The following GRM8 variants were observed in gnomAD, a reference collection of about 807,000 sequenced individuals.
GRM8 encodes the protein metabotropic glutamate receptor 8.
GRM8 carries 47 observed loss-of-function variants against 87.2 expected under a neutral mutation model. The observed-to-expected ratio is 0.54, with a 90% CI of 0.43 to 0.69. The LOEUF is 0.69. GRM8 is among the 30% of genes least tolerant of loss of function. The pLI is 0.00. For missense variants in GRM8, 1,019 were observed against 1,139.2 expected (o/e 0.89, Z 1.52); for synonymous variants, 396 against 404.5 (o/e 0.98, Z 0.25).
intron 7 of GRM8, among the ~76,000 whole-genome samples, chr7:126,683,498 A>G (rs1274551839): frequency 6.6e-6 from 1 of 152,144 alleles, no homozygotes; most frequent in Non-Finnish European, 1.5e-5. Flanking sequence ...GTGCAAAAGT[A>G]TTTCAGACCT....
chr7:127,211,581 C>T (rs768720831), intron 2 of GRM8, among the ~76,000 whole-genome samples: 6 of 152,208 alleles, frequency 3.9e-5, no homozygotes, highest in Non-Finnish European at 5.9e-5. Context: ...TCAGTATTAA[C>T]CATCACAGAA....
chr7:126,451,731 A>G (rs1466305577), intron 9 of GRM8, among the ~76,000 whole-genome samples: 1 of 151,632 alleles, frequency 6.6e-6, no homozygotes, highest in Admixed American at 6.6e-5. Context: ...CTGATCTTGG[A>G]ACATACCAGG....
intron 2 of GRM8, among the ~76,000 whole-genome samples, chr7:127,190,976 CA>C (rs1794999375): frequency 2.0e-5 from 3 of 152,156 alleles, no homozygotes; most frequent in Admixed American, 1.3e-4. Context: ...AAGTCTATGA[CA>C]ACAGTACATT....
intron 7 of GRM8, among the ~76,000 whole-genome samples, chr7:126,712,406 T>C (rs1322476047): frequency 6.6e-6 from 1 of 152,126 alleles, no homozygotes; most frequent in African/African-American, 2.4e-5. Context: ...ATAAAAACTT[T>C]TGAAATATTG....
chr7:126,471,892 G>T (rs1805306211), intron 9 of GRM8, among the ~76,000 whole-genome samples: 1 of 152,126 alleles, frequency 6.6e-6, no homozygotes, highest in Non-Finnish European at 1.5e-5. Context: ...AGTTCTCCTT[G>T]AAGAGGTCCT....
At chr7:127,134,244 C>A (rs753892414) in intron 2 of GRM8, among the ~76,000 whole-genome samples, 9 of 152,116 alleles carry the variant, frequency 5.9e-5, no homozygotes, top group Non-Finnish European at 1.2e-4. Flanking sequence ...GAACTTGTTG[C>A]TAAGTACATT....
rs529947368 is a variant in GRM8 at position 126,592,053 on chromosome 7, TA to T, written c.1494+17308del. On this transcript the variant is annotated intron_variant, in intron 8 of 10. Transcript: ENST00000339582. ...ATACAACTTACCAAGACCAGACTAT[TA>T]AAAAATAGAAAATCTTAGCAGACCA... Among the ~76,000 whole-genome samples, 509 of 150,654 alleles carry T rather than the reference TA, an allele frequency of 3.4e-3. 1 individual carries two copies. Among genetic ancestry groups the T allele is most frequent in the Non-Finnish European group, 5.6e-3 (375 of 67,412 alleles).
At chr7:126,816,273 A>AAATTCAAT (rs1241002048) in intron 6 of GRM8, among the ~76,000 whole-genome samples, 2 of 152,276 alleles carry the variant, frequency 1.3e-5, no homozygotes, top group East Asian at 3.9e-4. Flanking sequence ...TTGCTTTTTT[A>AAATTCAAT]AATTCAATAT....
chr7:127,206,878 T>A (rs1795945211), intron 2 of GRM8, among the ~76,000 whole-genome samples: 1 of 152,232 alleles, frequency 6.6e-6, no homozygotes, highest in African/African-American at 2.4e-5. Flanking sequence ...GAGCACTATG[T>A]CATTAATGCA....
intron 8 of GRM8, among the ~76,000 whole-genome samples, chr7:126,555,036 A>G (rs1030449762): frequency 2.0e-5 from 3 of 152,200 alleles, no homozygotes; most frequent in Non-Finnish European, 4.4e-5. Flanking sequence ...AAAATGTGAG[A>G]GCAGTAAGAA....
intron 3 of GRM8, among the ~76,000 whole-genome samples, chr7:127,050,299 G>A (rs935768139): frequency 4.6e-5 from 7 of 152,142 alleles, no homozygotes; most frequent in African/African-American, 1.7e-4. Flanking sequence ...GAGCTGATAA[G>A]GAGCCCTCAT....
intron 1 of GRM8, among the ~76,000 whole-genome samples, chr7:127,247,762 G>T (rs1798653326): frequency 6.6e-6 from 1 of 152,138 alleles, no homozygotes; most frequent in Non-Finnish European, 1.5e-5. Flanking sequence ...TCTCTAAGGT[G>T]TCTTCCAGCT....
chr7:126,481,769 G>C (rs1282942851), intron 9 of GRM8, among the ~76,000 whole-genome samples: 1 of 151,970 alleles, frequency 6.6e-6, no homozygotes, highest in Non-Finnish European at 1.5e-5. Context: ...AAAAATTGTT[G>C]AAATCTGAAT....
chr7:126,515,501 C>T (rs931811360), intron 9 of GRM8, among the ~76,000 whole-genome samples: 1 of 152,074 alleles, frequency 6.6e-6, no homozygotes, highest in Non-Finnish European at 1.5e-5. Context: ...AACTCAGCAG[C>T]CTAAAACAAC....
chr7:126,567,935 G>A (rs892434433), intron 8 of GRM8, among the ~76,000 whole-genome samples: 4 of 152,236 alleles, frequency 2.6e-5, no homozygotes, highest in African/African-American at 9.6e-5. Flanking sequence ...GAGGATTGCT[G>A]TCCTAAATGA....
chr7:127,155,960 G>A (rs1271440064), intron 2 of GRM8, among the ~76,000 whole-genome samples: 13 of 152,248 alleles, frequency 8.5e-5, no homozygotes, highest in African/African-American at 1.4e-4. Context: ...TGGAATTGAC[G>A]CCCTCTTGAA....
At chr7:126,798,323 C>T (rs755623108) in intron 6 of GRM8, among the ~76,000 whole-genome samples, 6 of 152,148 alleles carry the variant, frequency 3.9e-5, no homozygotes, top group South Asian at 4.2e-4. Flanking sequence ...TCCTGATGGG[C>T]AAAAATTACA....
chr7:127,011,989 G>T (rs891962386), intron 3 of GRM8, among the ~76,000 whole-genome samples: 12 of 152,072 alleles, frequency 7.9e-5, no homozygotes, highest in African/African-American at 2.9e-4. Flanking sequence ...TAACTTAATT[G>T]TCACCAACAG....
chr7:127,221,176 A>G (rs1396128983), intron 2 of GRM8, among the ~76,000 whole-genome samples: 1 of 152,230 alleles, frequency 6.6e-6, no homozygotes, highest in Admixed American at 6.5e-5. Flanking sequence ...AGGCCTTAAA[A>G]GTCTACCTAT....
Sources: gnomAD v4.1 joint callset for allele counts (sites outside exome capture counted in the v4.1 genomes callset) on GRCh38, gnomAD v4.1.1 for gene constraint, MANE v1.5 for transcripts, NCBI Gene and HGNC (gene_info 2026-07-23, HGNC 2026-07-21) for gene names.